The following UNC5D variants were observed in gnomAD, a reference collection of about 807,000 sequenced individuals.
UNC5D encodes unc-5 netrin receptor D.
A neutral mutation model predicts 105.4 loss-of-function variants in UNC5D; 39 were observed. The observed-to-expected ratio is 0.37, with a 90% CI of 0.29 to 0.48. UNC5D has a LOEUF of 0.48. UNC5D is among the 20% of genes least tolerant of loss of function. UNC5D has a pLI of 0.98. For missense variants in UNC5D, 991 were observed against 1,202.4 expected, an observed-to-expected ratio of 0.82 and a Z score of 2.60; for synonymous variants, 452 against 450.4, an observed-to-expected ratio of 1.00 and a Z score of -0.04.
At chr8:35,636,223 G>A (rs577810120) in intron 4 of UNC5D, among the ~76,000 whole-genome samples, 4 of 152,246 alleles carry the variant, frequency 2.6e-5, no homozygotes, top group Admixed American at 1.3e-4. Flanking sequence ...AAACGGGGTC[G>A]AATGATGGGT....
At chr8:35,586,771 A>G (rs1484323720) in intron 3 of UNC5D, among the ~76,000 whole-genome samples, 1 of 152,120 alleles carries the variant, frequency 6.6e-6, no homozygotes, top group Non-Finnish European at 1.5e-5. Context: ...AAAAATGACT[A>G]TGATTTTTCA....
At chr8:35,789,478 G>T (rs1802929383) in intron 16 of UNC5D, among the ~76,000 whole-genome samples, 1 of 151,832 alleles carries the variant, frequency 6.6e-6, no homozygotes, top group South Asian at 2.1e-4. Context: ...AAAACAAATG[G>T]TCTAGTGTGA....
At chr8:35,355,774 A>T in intron 1 of UNC5D, among the ~76,000 whole-genome samples, 1 of 152,148 alleles carries the variant, frequency 6.6e-6, no homozygotes, top group East Asian at 1.9e-4. Flanking sequence ...AAAGGTCATG[A>T]GTGACCTTAT....
chr8:35,528,046 T>G (rs1486896034), intron 1 of UNC5D, among the ~76,000 whole-genome samples: 10 of 151,114 alleles, frequency 6.6e-5, no homozygotes, highest in Non-Finnish European at 1.3e-4. Flanking sequence ...CTGGTTTTTT[T>G]TTTTTTTTTT....
chr8:35,622,507 C>A (rs1563601928), intron 4 of UNC5D, among the ~76,000 whole-genome samples: 1 of 152,122 alleles, frequency 6.6e-6, no homozygotes, highest in African/African-American at 2.4e-5. Context: ...TAAGCTAATT[C>A]TATAACTTCT....
chr8:35,730,245 C>T (rs1182918866), intron 10 of UNC5D, among the ~76,000 whole-genome samples: 1 of 152,178 alleles, frequency 6.6e-6, no homozygotes, highest in African/African-American at 2.4e-5. Flanking sequence ...TTCTTCACAG[C>T]GTTTTAGAGG....
intron 1 of UNC5D, among the ~76,000 whole-genome samples, chr8:35,530,884 G>T (rs1207870238): frequency 7.4e-6 from 1 of 134,456 alleles, no homozygotes; most frequent in Admixed American, 7.4e-5. Flanking sequence ...TGTGGGATTG[G>T]TGGTGATATC....
chr8:35,299,348 A>G (rs1294587850), intron 1 of UNC5D, among the ~76,000 whole-genome samples: 1 of 152,180 alleles, frequency 6.6e-6, no homozygotes, highest in African/African-American at 2.4e-5. Context: ...CTAAGCCTGG[A>G]AAGAGCCTTG....
intron 4 of UNC5D, among the ~76,000 whole-genome samples, chr8:35,665,285 G>A (rs1254368396): frequency 6.6e-6 from 1 of 152,140 alleles, no homozygotes; most frequent in Non-Finnish European, 1.5e-5. Context: ...AACCCCCAGT[G>A]TTACCTGTCA....
At position 35,744,976 on chromosome 8, in the gene UNC5D, C is replaced by G. The variant is rs754826383; in HGVS notation, c.1767-3551C>G. 5.1e-4 allele frequency among the ~76,000 whole-genome samples: 78 copies of G among 152,096 alleles called. 1 individual carries two copies. The Middle Eastern group carries it at 0.024, about 46-fold the overall frequency. The stretch of plus-strand genomic sequence containing the variant: ...GCTGAGGCTGTAGAATCGCTTGAAC[C>G]TAGGAGACGGAGGTTGCAGTGAGCC... On this transcript the variant is annotated intron_variant, in intron 11 of 16. Coordinates refer to ENST00000404895, the MANE Select transcript of UNC5D (RefSeq NM_080872.4).
chr8:35,694,011 C>G (rs1826588181), intron 7 of UNC5D, among the ~76,000 whole-genome samples: 2 of 151,978 alleles, frequency 1.3e-5, no homozygotes, highest in South Asian at 2.1e-4. Context: ...AAAACGAAAG[C>G]AAAACAAAGT....
chr8:35,305,002 T>C (rs1252615615), intron 1 of UNC5D, among the ~76,000 whole-genome samples: 1 of 152,140 alleles, frequency 6.6e-6, no homozygotes, highest in East Asian at 1.9e-4. Context: ...TATTTTAGGC[T>C]GAAGAATTGA....
intron 4 of UNC5D, among the ~76,000 whole-genome samples, chr8:35,615,125 G>C (rs940124223): frequency 1.4e-5 from 2 of 148,144 alleles, no homozygotes; most frequent in African/African-American, 5.0e-5. Context: ...TGTAGTTCCA[G>C]CTACTCAGGA....
At chr8:35,326,320 G>T (rs1270473529) in intron 1 of UNC5D, among the ~76,000 whole-genome samples, 1 of 152,144 alleles carries the variant, frequency 6.6e-6, no homozygotes, top group Non-Finnish European at 1.5e-5. Context: ...CAGGGAAATT[G>T]AAAACAGGCA....
At chr8:35,392,298 C>G (rs28491300) in intron 1 of UNC5D, among the ~76,000 whole-genome samples, 6,934 of 152,224 alleles carry the variant, frequency 0.046, 178 homozygotes, top group African/African-American at 0.06. Context: ...CCTCAAATTC[C>G]TGGGCCCTAG....
chr8:35,738,948 T>C (rs1205544018), intron 11 of UNC5D, among the ~76,000 whole-genome samples: 2 of 152,192 alleles, frequency 1.3e-5, no homozygotes, highest in Non-Finnish European at 2.9e-5. Context: ...AAGAATCCAA[T>C]TGATGGTATA....
chr8:35,639,915 G>A (rs1347932318), intron 4 of UNC5D, among the ~76,000 whole-genome samples: 1 of 151,374 alleles, frequency 6.6e-6, no homozygotes, highest in African/African-American at 2.4e-5. Context: ...TTGTAGTGAT[G>A]AGGTCTCATT....
chr8:35,552,654 TGAAG>T (rs1159741756), intron 2 of UNC5D, among the ~76,000 whole-genome samples: 2 of 152,214 alleles, frequency 1.3e-5, no homozygotes, highest in African/African-American at 4.8e-5. Context: ...GTTTTGATTT[TGAAG>T]GAAGGATTTG....
intron 1 of UNC5D, among the ~76,000 whole-genome samples, chr8:35,437,165 G>T (rs893958833): frequency 1.6e-4 from 24 of 152,050 alleles, no homozygotes; most frequent in African/African-American, 5.5e-4. Context: ...AAGGGACAAA[G>T]TATGCTCTCA....
Sources: allele counts gnomAD v4.1 joint callset (sites outside exome capture counted in the v4.1 genomes callset), GRCh38; gene constraint gnomAD v4.1.1; transcripts MANE v1.5; gene names NCBI Gene and HGNC (gene_info 2026-07-23, HGNC 2026-07-21).